Variants in MAGI2 observed in about 807,000 individuals in gnomAD.
MAGI2 encodes the protein membrane-associated guanylate kinase, WW and PDZ domain-containing protein 2.
A neutral mutation model predicts 133.3 loss-of-function variants in MAGI2; 35 were observed. The observed-to-expected ratio is 0.26, with a 90% CI of 0.20 to 0.35. The LOEUF is 0.35. Among genes scored for constraint, MAGI2 ranks in the 10% least tolerant of loss-of-function variants. MAGI2 has a pLI of 1.00. For missense variants in MAGI2, 1,636 were observed against 1,863.4 expected, an observed-to-expected ratio of 0.88 and a Z score of 2.25; for synonymous variants, 729 against 710.6, an observed-to-expected ratio of 1.03 and a Z score of -0.41.
intron 10 of MAGI2, among the ~76,000 whole-genome samples, chr7:78,209,415 T>C (rs574711505): frequency 3.2e-4 from 48 of 149,978 alleles, no homozygotes; most frequent in African/African-American, 7.1e-4. Flanking sequence ...GCGTGCACCA[T>C]CACGCCCCAC....
At chr7:78,814,796 C>T (rs971150984) in intron 2 of MAGI2, among the ~76,000 whole-genome samples, 1 of 152,144 alleles carries the variant, frequency 6.6e-6, no homozygotes, top group Admixed American at 6.5e-5. Context: ...AATCATGGCT[C>T]ACTGCAGCCT....
At chr7:78,812,564 A>G (rs1789164384) in intron 2 of MAGI2, among the ~76,000 whole-genome samples, 1 of 145,830 alleles carries the variant, frequency 6.9e-6, no homozygotes, top group African/African-American at 2.6e-5. Flanking sequence ...TTTTACAGTT[A>G]TCTACCTACA....
At chr7:79,277,594 A>AATACT (rs1835328760) in intron 1 of MAGI2, among the ~76,000 whole-genome samples, 2 of 152,230 alleles carry the variant, frequency 1.3e-5, no homozygotes, top group South Asian at 4.1e-4. Context: ...TTTAACTGAA[A>AATACT]ATACTACCCT....
chr7:78,619,128 A>C (rs1454628366), intron 3 of MAGI2: 1 of 151,786 alleles, frequency 6.6e-6, no homozygotes, highest in Non-Finnish European at 1.5e-5. Context: ...CCATGTTTTG[A>C]AACATCACAT....
chr7:78,070,531 T>G (rs946904443), intron 21 of MAGI2, among the ~76,000 whole-genome samples: 2 of 124,670 alleles, frequency 1.6e-5, no homozygotes, highest in East Asian at 4.5e-4. Context: ...TATGTATATA[T>G]GTGTACATAT....
At chr7:78,194,377 A>T (rs979657122) in intron 12 of MAGI2, among the ~76,000 whole-genome samples, 11 of 152,202 alleles carry the variant, frequency 7.2e-5, no homozygotes, top group Non-Finnish European at 5.9e-5. Flanking sequence ...TGTGGCAGAG[A>T]TGATTGGCAC....
chr7:79,128,242 T>C lies in MAGI2; in HGVS notation c.302-121036A>G, dbSNP rs569776380. Reference sequence around the variant, plus strand: ...CACATATTATATGGTTTTCAGCATATTTAGTGTTGGTTTAGTTTTTACTGG... The same window carrying C: ...CACATATTATATGGTTTTCAGCATACTTAGTGTTGGTTTAGTTTTTACTGG... On this transcript the variant is annotated intron_variant, in intron 1 of 21. Transcript: ENST00000354212. 2.6e-5 allele frequency among the ~76,000 whole-genome samples: 4 copies of C among 152,248 alleles called. No homozygotes were observed. The East Asian group carries it at 5.8e-4, about 22-fold the overall frequency.
chr7:78,834,050 G>A (rs1390991953), intron 2 of MAGI2, among the ~76,000 whole-genome samples: 1 of 152,146 alleles, frequency 6.6e-6, no homozygotes, highest in African/African-American at 2.4e-5. Flanking sequence ...CCAAGCTAGA[G>A]TGCAGTGGTG....
chr7:79,431,727 G>A (rs960692296), intron 1 of MAGI2, among the ~76,000 whole-genome samples: 3 of 152,164 alleles, frequency 2.0e-5, no homozygotes, highest in South Asian at 2.1e-4. Flanking sequence ...CTTTGAAAAC[G>A]GAAACTGAAC....
intron 20 of MAGI2, among the ~76,000 whole-genome samples, chr7:78,124,722 CTAA>C (rs1301845829): frequency 2.0e-5 from 3 of 151,988 alleles, no homozygotes; most frequent in African/African-American, 7.3e-5. Flanking sequence ...AGTAAAGAGA[CTAA>C]TATTTTATAT....
At chr7:79,407,927 A>T (rs967748474) in intron 1 of MAGI2, among the ~76,000 whole-genome samples, 1 of 152,128 alleles carries the variant, frequency 6.6e-6, no homozygotes, top group Non-Finnish European at 1.5e-5. Context: ...TTAAATTCAT[A>T]TGTGCCACCC....
At chr7:78,736,808 A>G (rs1306778867) in intron 2 of MAGI2, among the ~76,000 whole-genome samples, 1 of 152,188 alleles carries the variant, frequency 6.6e-6, no homozygotes, top group Non-Finnish European at 1.5e-5. Context: ...AAGTCTTTTA[A>G]GAATGTCCCT....
At chr7:79,179,782 G>C (rs898164774) in intron 1 of MAGI2, among the ~76,000 whole-genome samples, 1 of 151,976 alleles carries the variant, frequency 6.6e-6, no homozygotes. Context: ...ACTCAAGGCG[G>C]ATTAAAAACT....
intron 3 of MAGI2, among the ~76,000 whole-genome samples, chr7:78,563,972 A>G (rs1460961310): frequency 2.6e-5 from 4 of 152,230 alleles, no homozygotes; most frequent in Admixed American, 2.0e-4. Context: ...GATCAAAGTC[A>G]TATTTGAATA....
chr7:78,976,119 C>T (rs932576603), intron 2 of MAGI2, among the ~76,000 whole-genome samples: 4 of 151,518 alleles, frequency 2.6e-5, no homozygotes, highest in South Asian at 2.1e-4. Context: ...CAGATGAAGG[C>T]GTTACGAGAA....
chr7:79,112,856 AT>A (rs60791211), intron 1 of MAGI2, among the ~76,000 whole-genome samples: 3,201 of 152,238 alleles, frequency 0.021, 125 homozygotes, highest in African/African-American at 0.073. Flanking sequence ...TGACCTTTAC[AT>A]TTTTTTGTCA....
At chr7:78,972,686 T>A (rs923225921) in intron 2 of MAGI2, among the ~76,000 whole-genome samples, 7 of 151,912 alleles carry the variant, frequency 4.6e-5, no homozygotes, top group Non-Finnish European at 7.4e-5. Flanking sequence ...TGTAATTGAC[T>A]TTATCTACAA....
chr7:79,051,250 C>T (rs942074254), intron 1 of MAGI2, among the ~76,000 whole-genome samples: 1 of 152,130 alleles, frequency 6.6e-6, no homozygotes, highest in Non-Finnish European at 1.5e-5. Flanking sequence ...CCAACCAAAG[C>T]CCAAGCCCTG....
At chr7:78,587,038 G>A (rs10808160) in intron 3 of MAGI2, among the ~76,000 whole-genome samples, 27,183 of 152,098 alleles carry the variant, frequency 0.18, 2,904 homozygotes, top group African/African-American at 0.3. Context: ...CTATGAACAC[G>A]GGGGTTTTAC....
Sources: allele counts gnomAD v4.1 joint callset (sites outside exome capture counted in the v4.1 genomes callset), GRCh38; gene constraint gnomAD v4.1.1; transcripts MANE v1.5; gene names NCBI Gene and HGNC (gene_info 2026-07-23, HGNC 2026-07-21).